Variants in LRRC63 observed in about 807,000 individuals in gnomAD.
The protein encoded by LRRC63 is leucine rich repeat containing 63.
A neutral mutation model predicts 49.5 loss-of-function variants in LRRC63; 40 were observed. That is an observed-to-expected ratio of 0.81 (90% CI 0.63 to 1.05). The LOEUF is 1.05. Among genes scored for constraint, LRRC63 ranks in the 50% least tolerant of loss-of-function variants. The pLI, the probability that LRRC63 is intolerant of heterozygous loss-of-function variation, is 0.00. For missense variants in LRRC63, 636 were observed against 663.1 expected (o/e 0.96, Z 0.45); for synonymous variants, 191 against 221.1 (o/e 0.86, Z 1.21).
chr13:46,271,961 T>C (rs964453890), intron 9 of LRRC63, among the ~76,000 whole-genome samples: 2 of 151,978 alleles, frequency 1.3e-5, no homozygotes, highest in African/African-American at 4.8e-5. Context: ...AATAAAATAA[T>C]AATAACTAAT....
chr13:46,212,970 T>C, intron 1 of LRRC63, 32 bp from the exon 2 acceptor site: 1 of 1,105,006 alleles, frequency 9.0e-7, no homozygotes, highest in Non-Finnish European at 1.3e-6. Flanking sequence ...TCAAACATAT[T>C]CAAAACCTTT....
At chr13:46,272,169 G>A (rs2047769054) in intron 9 of LRRC63, among the ~76,000 whole-genome samples, 1 of 152,194 alleles carries the variant, frequency 6.6e-6, no homozygotes, top group Non-Finnish European at 1.5e-5. Context: ...CAGGTGGGCA[G>A]TTTAAAACTT....
At chr13:46,251,664 TAC>T (rs1180813834) in intron 7 of LRRC63, among the ~76,000 whole-genome samples, 7 of 151,902 alleles carry the variant, frequency 4.6e-5, no homozygotes, top group Non-Finnish European at 1.0e-4. Context: ...AACCCATGTG[TAC>T]ACACATATCT....
chr13:46,245,181 G>T (rs1399231268), intron 5 of LRRC63, among the ~76,000 whole-genome samples: 1 of 152,272 alleles, frequency 6.6e-6, no homozygotes, highest in Non-Finnish European at 1.5e-5. Flanking sequence ...GATATAATTA[G>T]AATGCCTCAA....
chr13:46,226,825 A>G (rs757157767), intron 2 of LRRC63, among the ~76,000 whole-genome samples: 6 of 152,200 alleles, frequency 3.9e-5, no homozygotes, highest in Non-Finnish European at 7.3e-5. Flanking sequence ...TGAATCTATT[A>G]TCTCCTCATT....
intron 7 of LRRC63, among the ~76,000 whole-genome samples, chr13:46,252,560 A>C (rs947219594): frequency 6.6e-6 from 1 of 152,060 alleles, no homozygotes; most frequent in African/African-American, 2.4e-5. Flanking sequence ...AATACAATTG[A>C]GTAAAGTAAA....
exon 9 of LRRC63, chr13:46,266,919 A>G (rs1459005785): frequency 2.6e-6 from 4 of 1,548,220 alleles, no homozygotes; most frequent in Admixed American, 3.9e-5. Context: ...TCCAAAATAA[A>G]CTACATAAAT....
intron 6 of LRRC63, 27 bp downstream of exon 6, chr13:46,246,652 TG>T: frequency 4.0e-6 from 4 of 998,470 alleles, no homozygotes; most frequent in Non-Finnish European, 5.4e-6. Context: ...TGTTATGTAC[TG>T]ATATAACTTG....
rs73482631 is a variant in LRRC63, at chr13:46,261,764, C to T, written c.1227-145C>T. On this transcript the variant is annotated intron_variant, in intron 7 of 9. Transcript: ENST00000595396. ...CTTAGGAATTTTCATAGTAATTACACGATCTATAATGAAAAGAAGTCCATA... is the reference window on the plus strand; with the variant it reads ...CTTAGGAATTTTCATAGTAATTACATGATCTATAATGAAAAGAAGTCCATA... The T allele has an allele frequency of 2.7e-5, 9 of 331,804 alleles. 2 individuals are homozygous for T. In the South Asian group the frequency reaches 6.2e-4, roughly 23 times the overall value. 20.6% of individuals were successfully genotyped at this position (331,804 alleles called of 1,614,324 possible). A position where few individuals can be genotyped will look rare whatever the true frequency, so the allele number is the denominator to read the frequency against.
chr13:46,223,575 G>C (rs1231414059), intron 2 of LRRC63, among the ~76,000 whole-genome samples: 1 of 151,424 alleles, frequency 6.6e-6, no homozygotes, highest in African/African-American at 2.4e-5. Context: ...CACTGTTAAG[G>C]CCAGGCACAG....
At chr13:46,246,934 G>A (rs79658424) in intron 6 of LRRC63, among the ~76,000 whole-genome samples, 1 of 152,060 alleles carries the variant, frequency 6.6e-6, no homozygotes, top group Non-Finnish European at 1.5e-5. Flanking sequence ...CCTTATTTAT[G>A]TGCCAATCAG....
chr13:46,256,768 A>T (rs1318957382), intron 7 of LRRC63, among the ~76,000 whole-genome samples: 1 of 152,276 alleles, frequency 6.6e-6, no homozygotes, highest in African/African-American at 2.4e-5. Flanking sequence ...TTTAGATGAG[A>T]TGTTGAACTT....
In LRRC63 at chr13:46,227,792, GAAAC is replaced by G. The variant is rs1215728644; in HGVS notation, c.378_381del (p.Asn126LysfsTer11). On this transcript the variant is annotated frameshift_variant, in exon 3 of 10. Coordinates refer to ENST00000595396, the Ensembl canonical transcript of LRRC63. LOFTEE classifies it high-confidence loss of function. ...ATTCAGCTTCTACTCGAATTTTTGG[GAAAC>G]AAACAAACAAAATGGAAAGTTCAAG... is the stretch of plus-strand genomic sequence containing the variant. The G allele has an allele frequency of 1.2e-5, 18 of 1,550,112 alleles. No individual in the cohort carries two copies. The highest frequency in any genetic ancestry group is 3.9e-5 in the Admixed American group (2 of 50,942).
intron 7 of LRRC63, among the ~76,000 whole-genome samples, chr13:46,256,463 G>C (rs1405205106): frequency 3.3e-5 from 5 of 152,318 alleles, no homozygotes; most frequent in Non-Finnish European, 2.9e-5. Context: ...GCAGGTGGCA[G>C]AGCTGGGAGC....
chr13:46,271,244 T>C (rs1304889761), intron 9 of LRRC63, among the ~76,000 whole-genome samples: 2 of 152,210 alleles, frequency 1.3e-5, no homozygotes, highest in African/African-American at 2.4e-5. Flanking sequence ...TTTAACCTAC[T>C]TCTGTTTGAA....
intron 5 of LRRC63, 78 bp downstream of exon 5, chr13:46,234,427 G>A (rs1566484836): frequency 7.3e-7 from 1 of 1,375,722 alleles, no homozygotes; most frequent in Non-Finnish European, 9.8e-7. Context: ...ATATAGATTA[G>A]TTTCCATGGT....
At chr13:46,241,141 C>CTATT (rs2047050739) in intron 5 of LRRC63, among the ~76,000 whole-genome samples, 1 of 152,232 alleles carries the variant, frequency 6.6e-6, no homozygotes, top group Admixed American at 6.5e-5. Flanking sequence ...ACCAATGGAA[C>CTATT]TGAATAGAGA....
chr13:46,254,972 T>TATCAATAATCAATAATCA (rs1300229940), intron 7 of LRRC63, among the ~76,000 whole-genome samples: 3 of 152,198 alleles, frequency 2.0e-5, no homozygotes, highest in African/African-American at 7.2e-5. Flanking sequence ...GTGGAAAACC[T>TATCAATAATCAATAATCA]AATTGTTTTT....
At chr13:46,273,911 C>CAAAAAA (rs34967125) in intron 9 of LRRC63, among the ~76,000 whole-genome samples, 11 of 100,764 alleles carry the variant, frequency 1.1e-4, no homozygotes, top group African/African-American at 3.8e-4. Context: ...GACTCTGTCT[C>CAAAAAA]AAAAAAAAAA....
Sources: gnomAD v4.1 joint callset for allele counts (sites outside exome capture counted in the v4.1 genomes callset) on GRCh38, gnomAD v4.1.1 for gene constraint, MANE v1.5 for transcripts, NCBI Gene and HGNC (gene_info 2026-07-23, HGNC 2026-07-21) for gene names.